The following CCDC18 variants were observed in gnomAD, a reference collection of about 807,000 sequenced individuals.
The protein encoded by CCDC18 is coiled-coil domain-containing protein 18.
CCDC18 carries 157 observed loss-of-function variants against 196.0 expected under a neutral mutation model. The ratio of observed to expected loss-of-function variants is 0.80; its 90% confidence interval spans 0.70 to 0.91. The LOEUF (loss-of-function observed/expected upper bound fraction) is 0.91. CCDC18 is among the 40% of genes least tolerant of loss of function. The pLI, the probability that CCDC18 is intolerant of heterozygous loss-of-function variation, is 0.00. For synonymous variants in CCDC18, 482 were observed against 529.2 expected, an observed-to-expected ratio of 0.91 and a Z score of 1.22; for missense variants, 1,465 against 1,611.6, an observed-to-expected ratio of 0.91 and a Z score of 1.56.
chr1:93,190,632 C>G, intron 4 of CCDC18: 1 of 268,038 alleles, frequency 3.7e-6, no homozygotes, highest in Non-Finnish European at 6.9e-6. Flanking sequence ...AGGGAAACAC[C>G]TGCCAGCCCC....
intron 26 of CCDC18, among the ~76,000 whole-genome samples, chr1:93,259,703 C>T (rs72717374): frequency 0.059 from 8,997 of 152,186 alleles, 322 homozygotes; most frequent in South Asian, 0.071. Flanking sequence ...GAATCTAATC[C>T]TAAGGCTAAG....
intron 19 of CCDC18, 79 bp downstream of exon 19, chr1:93,236,469 G>A: frequency 7.4e-7 from 1 of 1,360,294 alleles, no homozygotes; most frequent in Non-Finnish European, 1.0e-6. Context: ...ATAATGTTCA[G>A]TGGAGCATTT....
intron 4 of CCDC18, among the ~76,000 whole-genome samples, chr1:93,188,267 T>G (rs1474551893): frequency 6.6e-6 from 1 of 152,214 alleles, no homozygotes; most frequent in Non-Finnish European, 1.5e-5. Context: ...ATTCATAACT[T>G]ACGTCTGGCA....
At chr1:93,274,264 A>G (rs983031857) in intron 28 of CCDC18, among the ~76,000 whole-genome samples, 8 of 152,058 alleles carry the variant, frequency 5.3e-5, no homozygotes, top group Non-Finnish European at 8.8e-5. Flanking sequence ...TTAGCTGGGC[A>G]TGGTGGTGCG....
chr1:93,246,789 G>A, intron 22 of CCDC18, 49 bp from the exon 23 acceptor site: 1 of 863,114 alleles, frequency 1.2e-6, no homozygotes. Flanking sequence ...AAGCATACAA[G>A]TTTTTATATC....
At chr1:93,206,971 G>C in intron 8 of CCDC18, 136 bp from the exon 9 acceptor site, 1 of 515,806 alleles carries the variant, frequency 1.9e-6, no homozygotes. Context: ...CATGCAGAAA[G>C]TAGGTATTTA....
chr1:93,197,745 C>CTTTTTTTTTTTT (rs71094240), intron 6 of CCDC18, among the ~76,000 whole-genome samples: 18 of 76,006 alleles, frequency 2.4e-4, no homozygotes, highest in East Asian at 1.3e-3. Flanking sequence ...CTTTTCTTTT[C>CTTTTTTTTTTTT]TTTTTTTTTT....
intron 6 of CCDC18, among the ~76,000 whole-genome samples, chr1:93,197,997 C>T (rs534989434): frequency 6.6e-5 from 10 of 152,024 alleles, no homozygotes; most frequent in East Asian, 1.9e-4. Context: ...GTGATCCGCC[C>T]GCCTTGGCCT....
intron 10 of CCDC18, among the ~76,000 whole-genome samples, chr1:93,211,623 A>T (rs1655664978): frequency 6.6e-6 from 1 of 152,180 alleles, no homozygotes; most frequent in African/African-American, 2.4e-5. Flanking sequence ...TTTTTCACTC[A>T]GCAGTATTTA....
chr1:93,237,390 C>T (rs1158885552), intron 19 of CCDC18, among the ~76,000 whole-genome samples: 3 of 152,182 alleles, frequency 2.0e-5, no homozygotes, highest in Non-Finnish European at 4.4e-5. Context: ...GGTCAGCTCT[C>T]ATATCTCACA....
chr1:93,220,173 T>G (rs1380369628), intron 14 of CCDC18, among the ~76,000 whole-genome samples: 6 of 152,052 alleles, frequency 3.9e-5, no homozygotes. Flanking sequence ...AGGGAACAAA[T>G]GTTAAAATTA....
chr1:93,182,577 A>G (rs1264750383), intron 1 of CCDC18, among the ~76,000 whole-genome samples: 1 of 152,206 alleles, frequency 6.6e-6, no homozygotes, highest in Non-Finnish European at 1.5e-5. Flanking sequence ...TATTGTATTA[A>G]TTACAATAAT....
At chr1:93,215,188 A>T (rs901390934) in intron 12 of CCDC18, among the ~76,000 whole-genome samples, 10 of 152,236 alleles carry the variant, frequency 6.6e-5, no homozygotes, top group Non-Finnish European at 1.2e-4. Flanking sequence ...TGTAGTGGGT[A>T]AAAGTCTCAA....
rs1570448934 is a variant in CCDC18, at chr1:93,226,393, C to A, written c.2236C>A (p.Gln746Lys). The change falls in exon 17 of 29, where the codon CAA (glutamine) becomes AAA (lysine). Residue 746 changes from glutamine (Q) to lysine (K), a missense_variant. Physicochemically the swap from Gln to Lys is moderately conservative, Grantham distance 53 (BLOSUM62 1). Coordinates refer to ENST00000690025, the MANE Select transcript of CCDC18 (RefSeq NM_001378204.1). Reference sequence around the variant, plus strand: ...GGAAGAACTTGTCTTGCATTTGAATCAATTGGAAGGAAATAAGGAAAAGTT... The same window carrying A: ...GGAAGAACTTGTCTTGCATTTGAATAAATTGGAAGGAAATAAGGAAAAGTT... ...CKEELVLHLN[Q>K]LEGNKEKFEK... 1.3e-6 allele frequency: 2 copies of A among 1,582,448 alleles called. No homozygotes were observed. The highest frequency in any genetic ancestry group is 1.7e-6 in the Non-Finnish European group (2 of 1,165,148).
At chr1:93,188,473 T>G (rs947938908) in intron 4 of CCDC18, among the ~76,000 whole-genome samples, 10 of 152,230 alleles carry the variant, frequency 6.6e-5, no homozygotes, top group African/African-American at 2.4e-4. Context: ...TCCAGTTACT[T>G]CCTTGCCTGC....
intron 3 of CCDC18, 63 bp downstream of exon 3, chr1:93,184,209 A>C: frequency 1.1e-6 from 1 of 945,148 alleles, no homozygotes. Context: ...CTACTTAAAA[A>C]AAATTTTTTT....
chr1:93,269,475 AAG>A (rs1378310596), intron 27 of CCDC18, among the ~76,000 whole-genome samples: 1 of 151,996 alleles, frequency 6.6e-6, no homozygotes, highest in Non-Finnish European at 1.5e-5. Flanking sequence ...AAAAAAAAAA[AAG>A]GAAAATACCA....
chr1:93,197,154 GA>G (rs1652860232), intron 6 of CCDC18, among the ~76,000 whole-genome samples: 1 of 152,020 alleles, frequency 6.6e-6, no homozygotes, highest in Non-Finnish European at 1.5e-5. Flanking sequence ...AACATCAAAA[GA>G]AAATAGAAGT....
chr1:93,274,257 G>T (rs12405311), intron 28 of CCDC18, among the ~76,000 whole-genome samples: 1 of 152,066 alleles, frequency 6.6e-6, no homozygotes, highest in Non-Finnish European at 1.5e-5. Flanking sequence ...ACAAAAATTA[G>T]CTGGGCATGG....
Sources: allele counts gnomAD v4.1 joint callset (sites outside exome capture counted in the v4.1 genomes callset), GRCh38; gene constraint gnomAD v4.1.1; transcripts MANE v1.5; gene names NCBI Gene and HGNC (gene_info 2026-07-23, HGNC 2026-07-21).